Variants in ING3 observed in about 807,000 individuals in gnomAD.
ING3 encodes inhibitor of growth protein 3.
In ING3, 6 loss-of-function variants were observed where a neutral mutation model predicts 64.8. That is an observed-to-expected ratio of 0.09 (90% CI 0.05 to 0.18). The LOEUF is 0.18. Among genes scored for constraint, ING3 ranks in the 10% least tolerant of loss-of-function variants. The pLI is 1.00. For missense variants in ING3, 310 were observed against 489.7 expected (o/e 0.63, Z 3.46); for synonymous variants, 170 against 173.7 (o/e 0.98, Z 0.17).
intron 5 of ING3, among the ~76,000 whole-genome samples, chr7:120,965,635 A>G (rs571426938): frequency 2.0e-5 from 3 of 152,168 alleles, no homozygotes; most frequent in African/African-American, 7.2e-5. Context: ...CAGTAAGAAT[A>G]TGTACCTGTT....
Position 120,968,020 on chromosome 7 carries a change from T to C in ING3, c.643T>C (p.Ser215Pro), listed in dbSNP as rs919600444. Residue 215 changes from serine (S) to proline (P), a missense_variant, in exon 8 of 12, where the codon TCG (serine) becomes CCG (proline). Transcript: ENST00000315870. Reference sequence around the variant, plus strand: ...ACCTCTGGGATCCTATAACATTGGCTCGTTATCTTCAGGAACTGGTGCAGG... The same window carrying C: ...ACCTCTGGGATCCTATAACATTGGCCCGTTATCTTCAGGAACTGGTGCAGG... ...SQPLGSYNIG[S>P]LSSGTGAGAI... is the part of the protein sequence containing the mutation. The C allele has an allele frequency of 9.9e-6, 16 of 1,614,106 alleles. No homozygotes were observed. The highest frequency in any genetic ancestry group is 1.4e-5 in the Non-Finnish European group (16 of 1,179,992).
intron 4 of ING3, among the ~76,000 whole-genome samples, chr7:120,957,371 TAA>T (rs35872651): frequency 2.0e-4 from 28 of 139,100 alleles, no homozygotes; most frequent in Non-Finnish European, 2.4e-4. Flanking sequence ...GACTCTGTCT[TAA>T]AAAAAAAAAA....
At chr7:120,956,011 CAA>C (rs1338213193) in intron 4 of ING3, 1 of 639,388 alleles carries the variant, frequency 1.6e-6, no homozygotes, top group African/African-American at 1.8e-5. Context: ...ACTGCTTTGA[CAA>C]GAGTTCTTGG....
rs1278890390 is a variant in ING3, at chr7:120,951,294, G to A, written c.100+59G>A. 12 of 1,484,328 alleles carry A rather than the reference G, an allele frequency of 8.1e-6. No individual in the cohort carries two copies. In the East Asian group the frequency reaches 2.0e-4, roughly 25 times the overall value. The allele number at this position is 1,484,328 out of a possible 1,614,324, so 91.9% of individuals were successfully genotyped here. A position where few individuals can be genotyped will look rare whatever the true frequency, so the allele number is the denominator to read the frequency against. ...CGCGCGTTCAGTGCCAGACTTGCTT[G>A]TCATCACTGCTAGCGCCTAGTGCTC... is the stretch of plus-strand genomic sequence containing the variant. On this transcript the variant is annotated intron_variant, in intron 2 of 11. Coordinates refer to ENST00000315870, the MANE Select transcript of ING3 (RefSeq NM_019071.3).
chr7:120,968,167 T>G, intron 8 of ING3, 76 bp downstream of exon 8: 8 of 1,273,116 alleles, frequency 6.3e-6, no homozygotes, highest in Non-Finnish European at 8.7e-6. Flanking sequence ...AATAACGGGA[T>G]GTGAACAAAT....
rs750568317 is a variant in ING3 at position 120,969,117 on chromosome 7, G to A, written c.821G>A (p.Gly274Asp). The change falls in exon 9 of 12, where the codon GGC becomes GAC. Residue 274 changes from glycine (G) to aspartate (D), a missense_variant. Gly to Asp is a moderately conservative substitution (Grantham distance 94, BLOSUM62 -1). This residue lies in a region of ING3 where 233 missense variants were observed against 289.4 expected (regional missense o/e 0.81). Transcript: ENST00000315870. ...KEFSMARETV[G>D]YSSSSALMTT... Reference sequence around the variant, plus strand: ...TTTTCAATGGCCAGGGAAACAGTTGGCTATTCATCATCTTCGGCACTTATG... The same window carrying A: ...TTTTCAATGGCCAGGGAAACAGTTGACTATTCATCATCTTCGGCACTTATG... The A allele has an allele frequency of 1.2e-6, 2 of 1,613,958 alleles. No homozygotes were observed. The highest frequency in any genetic ancestry group is 8.5e-7 in the Non-Finnish European group (1 of 1,179,996).
At chr7:120,952,685 A>G (rs1795785105) in intron 2 of ING3, among the ~76,000 whole-genome samples, 1 of 152,156 alleles carries the variant, frequency 6.6e-6, no homozygotes, top group Non-Finnish European at 1.5e-5. Flanking sequence ...TGGACTGGAA[A>G]TCTCCAAAAG....
intron 4 of ING3, among the ~76,000 whole-genome samples, chr7:120,963,612 A>C (rs778985586): frequency 1.2e-4 from 18 of 152,098 alleles, no homozygotes; most frequent in Non-Finnish European, 2.4e-4. Flanking sequence ...TAATTTCTTC[A>C]CCTATAAAGT....
chr7:120,961,769 T>C (rs563850653), intron 4 of ING3, among the ~76,000 whole-genome samples: 13 of 152,138 alleles, frequency 8.5e-5, no homozygotes, highest in Non-Finnish European at 1.8e-4. Flanking sequence ...GCTGTTATGA[T>C]TTGGGGTTGT....
chr7:120,954,461 G>C (rs997022433), intron 3 of ING3, among the ~76,000 whole-genome samples: 1 of 151,674 alleles, frequency 6.6e-6, no homozygotes. Flanking sequence ...CACTAAGGAA[G>C]AAATTTGGAA....
At chr7:120,965,983 A>G (rs1484459580) in intron 5 of ING3, among the ~76,000 whole-genome samples, 2 of 152,234 alleles carry the variant, frequency 1.3e-5, no homozygotes, top group African/African-American at 4.8e-5. Context: ...CTCTAAGGAC[A>G]CAGACATATG....
At chr7:120,956,550 T>TA in intron 4 of ING3, 1 of 1,018,886 alleles carries the variant, frequency 9.8e-7, no homozygotes, top group Non-Finnish European at 1.2e-6. Context: ...TAGTTGTTTT[T>TA]ATGTAGTACA....
At chr7:120,963,844 A>T (rs916180494) in intron 4 of ING3, among the ~76,000 whole-genome samples, 27 of 152,310 alleles carry the variant, frequency 1.8e-4, no homozygotes, top group African/African-American at 6.3e-4. Flanking sequence ...TGATATCTGT[A>T]AGAAAGTTAT....
chr7:120,971,960 A>G (rs1796074935), intron 10 of ING3, among the ~76,000 whole-genome samples: 1 of 152,066 alleles, frequency 6.6e-6, no homozygotes, highest in South Asian at 2.1e-4. Context: ...GTTTTATATT[A>G]TGATTGTTTT....
intron 3 of ING3, among the ~76,000 whole-genome samples, chr7:120,953,809 A>G (rs1795803481): frequency 6.6e-6 from 1 of 152,210 alleles, no homozygotes; most frequent in South Asian, 2.1e-4. Context: ...ACGAAATCTT[A>G]AAAGTTAGAA....
At chr7:120,967,341 A>G (rs1027192379) in intron 6 of ING3, among the ~76,000 whole-genome samples, 188 bp from the exon 7 acceptor site, 7 of 152,144 alleles carry the variant, frequency 4.6e-5, no homozygotes, top group African/African-American at 1.7e-4. Context: ...TAAATGGTGG[A>G]GAAGTCTACT....
chr7:120,955,693 G>A, intron 4 of ING3, 69 bp downstream of exon 4: 1 of 1,059,672 alleles, frequency 9.4e-7, no homozygotes, highest in Non-Finnish European at 1.5e-6. Context: ...AAATTGTATT[G>A]GCTTAAATGT....
intron 2 of ING3, 36 bp downstream of exon 2, chr7:120,951,271 C>T: frequency 6.3e-7 from 1 of 1,596,964 alleles, no homozygotes; most frequent in Non-Finnish European, 8.6e-7. Flanking sequence ...GTTCGCTGCG[C>T]GCGTTCAGTG....
chr7:120,953,070 A>G (rs1432425939), intron 2 of ING3, among the ~76,000 whole-genome samples: 1 of 152,156 alleles, frequency 6.6e-6, no homozygotes, highest in Non-Finnish European at 1.5e-5. Context: ...GGCTGTTGGA[A>G]AAAATTTTGA....
Sources: gnomAD v4.1 joint callset for allele counts (sites outside exome capture counted in the v4.1 genomes callset) on GRCh38, gnomAD v4.1.1 for gene constraint, gnomAD v4.1.1 regional missense constraint, MANE v1.5 for transcripts, NCBI Gene and HGNC (gene_info 2026-07-23, HGNC 2026-07-21) for gene names.